The following HERC1 variants were observed in gnomAD, a reference collection of about 807,000 sequenced individuals.
HERC1 encodes probable E3 ubiquitin-protein ligase HERC1.
Under a neutral mutation model 554.3 loss-of-function variants are expected in HERC1, and 160 were observed. That is an observed-to-expected ratio of 0.29 (90% confidence interval 0.25 to 0.33). HERC1 has a LOEUF of 0.33. HERC1 is among the 10% of genes least tolerant of loss of function. The pLI, the probability that HERC1 is intolerant of heterozygous loss-of-function variation, is 1.00. For missense variants in HERC1, 4,919 were observed against 5,918.5 expected, an observed-to-expected ratio of 0.83 and a Z score of 5.54; for synonymous variants, 2,175 against 2,131.7, an observed-to-expected ratio of 1.02 and a Z score of -0.56.
chr15:63,827,933 G>C (rs1173918710), intron 1 of HERC1, among the ~76,000 whole-genome samples: 1 of 152,124 alleles, frequency 6.6e-6, no homozygotes, highest in Non-Finnish European at 1.5e-5. Context: ...ATCCAGAATA[G>C]GCAAACACAC....
Position 63,649,770 on chromosome 15 carries a change from A to G in HERC1, c.10702T>C (p.Ser3568Pro), listed in dbSNP as rs2069575270. 1 of 1,613,682 alleles carries G rather than the reference A, an allele frequency of 6.2e-7. No homozygotes were observed. The highest frequency in any genetic ancestry group is 8.5e-7 in the Non-Finnish European group (1 of 1,179,844). The change falls in exon 54 of 78, where the codon TCC becomes CCC. Residue 3568 changes from serine (S) to proline (P), a missense_variant. By Grantham distance (74) the Ser-to-Pro change is moderately conservative. This residue lies in a region of HERC1 where 1,963 missense variants were observed against 2,228.6 expected (regional missense o/e 0.88). Coordinates refer to ENST00000443617, the MANE Select transcript of HERC1 (RefSeq NM_003922.4). ...SLGLIEVVDV[S>P]TMHRRELEHC... ...TCCAATTCTCGACGGTGCATGGTGG[A>G]CACATCAACAACTTCAATCAGTCCC... is the stretch of plus-strand genomic sequence containing the variant.
chr15:63,833,789 A>ACC (rs2078256662), intron 1 of HERC1, 38 bp downstream of exon 1: 1 of 151,782 alleles, frequency 6.6e-6, no homozygotes, highest in African/African-American at 2.4e-5. Flanking sequence ...ACACACACAC[A>ACC]CAGGACCAGG....
At chr15:63,669,323 T>C (rs980453311) in intron 40 of HERC1, among the ~76,000 whole-genome samples, 1 of 152,218 alleles carries the variant, frequency 6.6e-6, no homozygotes, top group African/African-American at 2.4e-5. Context: ...AGAGCTGATA[T>C]GACTAATGTA....
In HERC1 at chr15:63,633,920, C is replaced by T; in HGVS notation, c.12621G>A (p.Met4207Ile). The stretch of plus-strand genomic sequence containing the variant: ...AGTCTCCATCTCCAAAAGCCCACAC[C>T]ATGGAACCATCTGCTGACACTGCCA... The part of the protein sequence containing the change: ...HTLAVSADGS[M>I]VWAFGDGDYG... Residue 4207 changes from methionine to isoleucine, a missense_variant, in exon 67 of 78, where the codon ATG becomes ATA. By Grantham distance (10) the Met-to-Ile change is conservative. Transcript: ENST00000443617. The T allele has an allele frequency of 6.2e-7, 1 of 1,613,848 alleles. No homozygotes were observed. The highest frequency in any genetic ancestry group is 8.5e-7 in the Non-Finnish European group (1 of 1,179,816).
At chr15:63,621,032 CATT>C (rs2068053741) in intron 74 of HERC1, among the ~76,000 whole-genome samples, 1 of 152,190 alleles carries the variant, frequency 6.6e-6, no homozygotes, top group African/African-American at 2.4e-5. Flanking sequence ...TTGATCCTGT[CATT>C]ATGATATTAG....
chr15:63,735,542 A>T (rs577877371), intron 12 of HERC1, among the ~76,000 whole-genome samples: 25 of 130,988 alleles, frequency 1.9e-4, no homozygotes, highest in East Asian at 1.6e-3. Flanking sequence ...TTTAAAGTAT[A>T]AAAAAAAAAA....
intron 2 of HERC1, among the ~76,000 whole-genome samples, chr15:63,773,451 A>C (rs1055333365): frequency 1.3e-5 from 2 of 151,924 alleles, no homozygotes; most frequent in African/African-American, 4.8e-5. Flanking sequence ...TCTCAAAAAA[A>C]AAAAAAAAAA....
chr15:63,610,834 CAG>C (rs1189507457), intron 77 of HERC1, among the ~76,000 whole-genome samples: 1 of 152,214 alleles, frequency 6.6e-6, no homozygotes, highest in Non-Finnish European at 1.5e-5. Context: ...GAGAACTGCC[CAG>C]CTCATGTGGG....
At chr15:63,629,739 G>A (rs1052440418) in intron 69 of HERC1, among the ~76,000 whole-genome samples, 3 of 152,182 alleles carry the variant, frequency 2.0e-5, no homozygotes, top group African/African-American at 7.2e-5. Flanking sequence ...GTCAAACTGA[G>A]GCTAATATGA....
At position 63,649,869 on chromosome 15, in the gene HERC1, C is replaced by T; in HGVS notation, c.10603G>A (p.Glu3535Lys). 6.2e-7 allele frequency: 1 copy of T among 1,612,768 alleles called. No homozygotes were observed. The highest frequency in any genetic ancestry group is 8.5e-7 in the Non-Finnish European group (1 of 1,179,380). ...GACCAGGCTGTAGCCGGACCCTCTT[C>T]TGGCCAAGCCAGGGCAGATACCCAA... Reference protein sequence around the residue: ...PHWVSALAWPEEGPATAWSGE... With the variant: ...PHWVSALAWPKEGPATAWSGE... The change falls in exon 54 of 78, where the codon GAA becomes AAA. Residue 3535 changes from glutamate to lysine, a missense_variant. By Grantham distance (56) the Glu-to-Lys change is moderately conservative (BLOSUM62 1). This residue lies in a region of HERC1 where 1,963 missense variants were observed against 2,228.6 expected (regional missense o/e 0.88). Coordinates refer to ENST00000443617, the MANE Select transcript of HERC1 (RefSeq NM_003922.4).
intron 1 of HERC1, among the ~76,000 whole-genome samples, chr15:63,820,101 AATAC>A (rs1411624673): frequency 6.6e-6 from 1 of 152,336 alleles, no homozygotes; most frequent in East Asian, 1.9e-4. Context: ...GCACACAAGA[AATAC>A]ATACAATTTT....
At chr15:63,702,642 C>A (rs1223679965) in intron 25 of HERC1, among the ~76,000 whole-genome samples, 1 of 152,082 alleles carries the variant, frequency 6.6e-6, no homozygotes, top group African/African-American at 2.4e-5. Context: ...CAGGTTTTGT[C>A]AAGAATTTTA....
intron 42 of HERC1, among the ~76,000 whole-genome samples, chr15:63,665,490 G>T (rs895718856): frequency 6.6e-6 from 1 of 152,000 alleles, no homozygotes; most frequent in African/African-American, 2.4e-5. Context: ...AGCCGATATC[G>T]CGCCACTGCA....
chr15:63,731,322 T>C (rs993029588), intron 14 of HERC1, among the ~76,000 whole-genome samples: 4 of 152,206 alleles, frequency 2.6e-5, no homozygotes, highest in Admixed American at 6.5e-5. Context: ...GGACCATTAT[T>C]TTAAAATCTT....
intron 40 of HERC1, 34 bp downstream of exon 40, chr15:63,669,504 C>T (rs748594126): frequency 1.2e-6 from 2 of 1,600,136 alleles, no homozygotes. Context: ...GGAATGCCAA[C>T]TTTGGATATC....
At chr15:63,647,588 T>C (rs930625380) in intron 55 of HERC1, among the ~76,000 whole-genome samples, 1 of 152,240 alleles carries the variant, frequency 6.6e-6, no homozygotes, top group African/African-American at 2.4e-5. Flanking sequence ...AGCAAAGATA[T>C]GGAATCAACC....
chr15:63,749,565 T>C lies in HERC1; in HGVS notation c.2048-27A>G. 6.3e-7 allele frequency: 1 copy of C among 1,577,808 alleles called. No individual in the cohort carries two copies. The highest frequency in any genetic ancestry group is 1.2e-5 in the South Asian group (1 of 85,666). On this transcript the variant is annotated intron_variant, in intron 9 of 77. Coordinates refer to ENST00000443617, the MANE Select transcript of HERC1 (RefSeq NM_003922.4). This position sits in a 1 kb window ranked among gnomAD's most constrained non-coding sequence, Gnocchi z 4.1. Reference sequence around the variant, plus strand: ...TAAAAACAAAATATAAAGTATTATATAAAAGAAAAGCCAAATTCAAATGTA... The same window carrying C: ...TAAAAACAAAATATAAAGTATTATACAAAAGAAAAGCCAAATTCAAATGTA...
At chr15:63,806,657 A>G (rs955564859) in intron 1 of HERC1, among the ~76,000 whole-genome samples, 8 of 152,226 alleles carry the variant, frequency 5.3e-5, no homozygotes, top group Non-Finnish European at 1.0e-4. Flanking sequence ...ATTCTGGTCT[A>G]ACAAGTCTAC....
intron 59 of HERC1, among the ~76,000 whole-genome samples, chr15:63,642,127 T>C (rs978055787): frequency 8.5e-5 from 13 of 152,150 alleles, no homozygotes; most frequent in Admixed American, 5.9e-4. Context: ...CATTTAACCA[T>C]ATAAAATGTA....
Sources: gnomAD v4.1 joint callset for allele counts (sites outside exome capture counted in the v4.1 genomes callset) on GRCh38, gnomAD v4.1.1 for gene constraint, gnomAD v4.1.1 regional missense constraint, Gnocchi (gnomAD v3.1) non-coding constraint, MANE v1.5 for transcripts, NCBI Gene and HGNC (gene_info 2026-07-23, HGNC 2026-07-21) for gene names.